The following FRMD4B variants were observed in gnomAD, a reference collection of about 807,000 sequenced individuals.
The protein encoded by FRMD4B is FERM domain-containing protein 4B.
In FRMD4B, 74 loss-of-function variants were observed where a neutral mutation model predicts 141.5. That is an observed-to-expected ratio of 0.52 (90% CI 0.43 to 0.63). FRMD4B has a LOEUF of 0.63. Among genes scored for constraint, FRMD4B ranks in the 30% least tolerant of loss-of-function variants. FRMD4B has a pLI of 0.00. For missense variants in FRMD4B, 1,366 were observed against 1,253.4 expected, an observed-to-expected ratio of 1.09 and a Z score of -1.36; for synonymous variants, 506 against 467.9, an observed-to-expected ratio of 1.08 and a Z score of -1.05.
At chr3:69,213,978 T>C (rs1002689400) in intron 11 of FRMD4B, among the ~76,000 whole-genome samples, 1 of 152,012 alleles carries the variant, frequency 6.6e-6, no homozygotes, top group Non-Finnish European at 1.5e-5. Context: ...ACCCTCGGCC[T>C]TATCAATAAT....
chr3:69,439,816 G>T (rs1365558992), intron 1 of FRMD4B, among the ~76,000 whole-genome samples: 1 of 152,128 alleles, frequency 6.6e-6, no homozygotes, highest in Admixed American at 6.5e-5. Flanking sequence ...TTTTAAACTT[G>T]CATTTCCTGC....
chr3:69,249,685 G>A (rs927276729), intron 6 of FRMD4B, among the ~76,000 whole-genome samples: 5 of 152,028 alleles, frequency 3.3e-5, no homozygotes, highest in Admixed American at 1.3e-4. Context: ...TCTTTTACTG[G>A]ACCACAAGAA....
At chr3:69,209,866 C>A (rs138499734) in intron 11 of FRMD4B, among the ~76,000 whole-genome samples, 1 of 152,334 alleles carries the variant, frequency 6.6e-6, no homozygotes, top group East Asian at 1.9e-4. Flanking sequence ...TCAGCAGTGT[C>A]AGAAGTAGCT....
intron 1 of FRMD4B, among the ~76,000 whole-genome samples, chr3:69,368,770 G>A (rs56682655): frequency 0.17 from 26,484 of 152,108 alleles, 2,556 homozygotes; most frequent in African/African-American, 0.24. Flanking sequence ...CAATCCTCCT[G>A]CCTCAGCCTC....
chr3:69,348,311 A>G (rs1005696864), intron 1 of FRMD4B, among the ~76,000 whole-genome samples: 2 of 152,192 alleles, frequency 1.3e-5, no homozygotes, highest in African/African-American at 2.4e-5. Flanking sequence ...AAAAAGACCA[A>G]TAAGAGGCTC....
At chr3:69,384,863 T>C (rs1704211251) in intron 1 of FRMD4B, among the ~76,000 whole-genome samples, 1 of 152,074 alleles carries the variant, frequency 6.6e-6, no homozygotes. Context: ...TAATAAGACA[T>C]AAATTCTAGA....
At chr3:69,520,156 AAT>A (rs60035786) in intron 1 of FRMD4B, among the ~76,000 whole-genome samples, 24 of 114,572 alleles carry the variant, frequency 2.1e-4, no homozygotes, top group Admixed American at 4.8e-4. Flanking sequence ...TATATGATGG[AAT>A]ATATATATAT....
At chr3:69,309,441 A>AAT (rs201808877) in intron 3 of FRMD4B, among the ~76,000 whole-genome samples, 62 of 149,926 alleles carry the variant, frequency 4.1e-4, no homozygotes, top group African/African-American at 1.1e-3. Flanking sequence ...TCTTAATGTA[A>AAT]ATATATATAT....
chr3:69,483,942 T>A (rs558780723), intron 1 of FRMD4B, among the ~76,000 whole-genome samples: 2 of 152,308 alleles, frequency 1.3e-5, no homozygotes, highest in African/African-American at 4.8e-5. Flanking sequence ...GCTTGCCGAT[T>A]TTGTTCTCCC....
intron 1 of FRMD4B, among the ~76,000 whole-genome samples, chr3:69,540,660 T>TATATATATATATACACACAC (rs1241897477): frequency 1.8e-5 from 1 of 56,874 alleles, no homozygotes; most frequent in African/African-American, 1.0e-4. Context: ...TATATATATA[T>TATATATATATATACACACAC]ACACACACAC....
intron 1 of FRMD4B, among the ~76,000 whole-genome samples, chr3:69,334,955 A>G (rs1320278564): frequency 6.6e-6 from 1 of 152,182 alleles, no homozygotes; most frequent in Admixed American, 6.5e-5. Context: ...CATGAAAATG[A>G]GAATACAGAC....
chr3:69,426,296 T>C (rs1395292845), intron 2 of FRMD4B, among the ~76,000 whole-genome samples: 3 of 151,250 alleles, frequency 2.0e-5, no homozygotes, highest in Non-Finnish European at 4.4e-5. Flanking sequence ...TTCATTATTG[T>C]GGATTTGAAA....
chr3:69,468,919 T>C (rs1705838760), intron 1 of FRMD4B, among the ~76,000 whole-genome samples: 1 of 152,194 alleles, frequency 6.6e-6, no homozygotes, highest in African/African-American at 2.4e-5. Context: ...TTGCCATCAA[T>C]ACAGACCTAT....
At chr3:69,289,895 G>A (rs972298744) in intron 4 of FRMD4B, among the ~76,000 whole-genome samples, 1 of 152,096 alleles carries the variant, frequency 6.6e-6, no homozygotes. Context: ...AATTCCTGAC[G>A]AACAACTTTT....
rs548576964 is a variant in FRMD4B at position 69,539,532 on chromosome 3, A to G, written c.-129+2674T>C. Among the ~76,000 whole-genome samples, 3 of 152,342 alleles carry G rather than the reference A, an allele frequency of 2.0e-5. No individual in the cohort carries two copies. In the East Asian group the frequency reaches 5.8e-4, roughly 29 times the overall value. On this transcript the variant is annotated intron_variant, in intron 1 of 5. Transcript: ENST00000459638. ...AAACAAAGTGAAGTTTAATACAGGA[A>G]AACAGGATCGTGATCACCATGATCA... is the stretch of plus-strand genomic sequence containing the variant.
At chr3:69,304,557 G>A (rs1475969626) in intron 3 of FRMD4B, among the ~76,000 whole-genome samples, 1 of 151,136 alleles carries the variant, frequency 6.6e-6, no homozygotes, top group African/African-American at 2.4e-5. Flanking sequence ...TATATTATGG[G>A]CTTACTGAGA....
At chr3:69,364,142 A>G (rs1703565366) in intron 1 of FRMD4B, among the ~76,000 whole-genome samples, 1 of 152,216 alleles carries the variant, frequency 6.6e-6, no homozygotes, top group South Asian at 2.1e-4. Flanking sequence ...GAAAATGAAC[A>G]CAAAACAAGA....
chr3:69,226,509 C>T (rs985002304), intron 7 of FRMD4B, among the ~76,000 whole-genome samples: 55 of 151,138 alleles, frequency 3.6e-4, no homozygotes, highest in African/African-American at 1.3e-3. Flanking sequence ...CAAATGCATG[C>T]ATGTATTCAA....
chr3:69,445,402 G>T (rs1003916955), intron 1 of FRMD4B, among the ~76,000 whole-genome samples: 1 of 152,142 alleles, frequency 6.6e-6, no homozygotes, highest in African/African-American at 2.4e-5. Flanking sequence ...ACTCCAGGTG[G>T]CCTCCTAAGA....
Sources: gnomAD v4.1 joint callset for allele counts (sites outside exome capture counted in the v4.1 genomes callset) on GRCh38, gnomAD v4.1.1 for gene constraint, MANE v1.5 for transcripts, NCBI Gene and HGNC (gene_info 2026-07-23, HGNC 2026-07-21) for gene names.